Variants in STX8 observed in about 807,000 individuals in gnomAD.
The protein encoded by STX8 is syntaxin 8, also known as syntaxin-8.
A neutral mutation model predicts 37.5 loss-of-function variants in STX8; 23 were observed. The observed-to-expected ratio is 0.61, with a 90% confidence interval of 0.44 to 0.87. The LOEUF is 0.87. Among genes scored for constraint, STX8 ranks in the 40% least tolerant of loss-of-function variants. The probability of loss-of-function intolerance (pLI) is 0.00; values close to 1 mark genes in which losing one functional copy is unlikely to be tolerated. For missense variants in STX8, 313 were observed against 284.7 expected (o/e 1.10, Z -0.71); for synonymous variants, 115 against 99.1 (o/e 1.16, Z -0.95).
At chr17:9,402,183 G>C (rs947947795) in intron 6 of STX8, among the ~76,000 whole-genome samples, 9 of 151,908 alleles carry the variant, frequency 5.9e-5, no homozygotes, top group Non-Finnish European at 1.0e-4. Context: ...GCAATGGCAC[G>C]ATCTCGGCTC....
chr17:9,493,191 G>A (rs1288265254), intron 5 of STX8, among the ~76,000 whole-genome samples: 1 of 152,100 alleles, frequency 6.6e-6, no homozygotes, highest in Non-Finnish European at 1.5e-5. Context: ...TGATCATCCA[G>A]GAGTTCGAGG....
At chr17:9,354,456 G>A (rs1244295708) in intron 7 of STX8, among the ~76,000 whole-genome samples, 1 of 151,514 alleles carries the variant, frequency 6.6e-6, no homozygotes, top group African/African-American at 2.4e-5. Context: ...CGAGTGGTTG[G>A]GATTACAGGC....
chr17:9,350,997 A>G (rs1309628850), intron 7 of STX8, among the ~76,000 whole-genome samples: 1 of 152,166 alleles, frequency 6.6e-6, no homozygotes, highest in Non-Finnish European at 1.5e-5. Context: ...GGGCAGCTTC[A>G]TCGTCTATAC....
intron 7 of STX8, among the ~76,000 whole-genome samples, chr17:9,309,156 A>G (rs1909104852): frequency 6.6e-6 from 1 of 152,134 alleles, no homozygotes; most frequent in Non-Finnish European, 1.5e-5. Context: ...CAATATCCAG[A>G]GCTCTTTGCA....
At chr17:9,346,605 A>G (rs1381229628) in intron 7 of STX8, among the ~76,000 whole-genome samples, 7 of 152,232 alleles carry the variant, frequency 4.6e-5, no homozygotes, top group Non-Finnish European at 1.0e-4. Context: ...TTATGCATGC[A>G]GGTCTGAGGG....
intron 6 of STX8, among the ~76,000 whole-genome samples, chr17:9,483,758 T>C (rs913279670): frequency 2.0e-4 from 30 of 151,806 alleles, no homozygotes; most frequent in African/African-American, 7.0e-4. Context: ...ACGAATACAA[T>C]TGGTTTTCCT....
intron 4 of STX8, among the ~76,000 whole-genome samples, chr17:9,534,508 C>T (rs370519423): frequency 5.3e-5 from 8 of 151,908 alleles, no homozygotes; most frequent in African/African-American, 1.9e-4. Context: ...AAGCAAAACT[C>T]GGCCAGGCGT....
intron 6 of STX8, among the ~76,000 whole-genome samples, chr17:9,461,649 C>T (rs576231201): frequency 6.6e-6 from 1 of 152,164 alleles, no homozygotes; most frequent in Middle Eastern, 3.4e-3. Context: ...GCACCAGGGA[C>T]CAGTTTCATG....
chr17:9,404,158 T>C (rs1162877640), intron 6 of STX8, among the ~76,000 whole-genome samples: 1 of 152,094 alleles, frequency 6.6e-6, no homozygotes, highest in Non-Finnish European at 1.5e-5. Flanking sequence ...AAGTGGATCA[T>C]AATAAAAGTC....
At chr17:9,343,502 C>CA (rs1281818922) in intron 7 of STX8, among the ~76,000 whole-genome samples, 1 of 152,150 alleles carries the variant, frequency 6.6e-6, no homozygotes, top group Non-Finnish European at 1.5e-5. Context: ...TGAAAGATGC[C>CA]AAAATAATCC....
intron 5 of STX8, among the ~76,000 whole-genome samples, chr17:9,501,778 C>A (rs997292681): frequency 3.3e-5 from 5 of 152,002 alleles, no homozygotes; most frequent in African/African-American, 1.2e-4. Flanking sequence ...TCGAAACCAG[C>A]ATGGCTAACA....
rs4791829 is a variant in STX8 at position 9,310,680 on chromosome 17, G to A, written c.644-60035C>T. Reference sequence around the variant, plus strand: ...GGGGAGGGGTGGTCCACGGAGATCTGTTCTCATTTGATTTATAGTAAGGCT... The same window carrying A: ...GGGGAGGGGTGGTCCACGGAGATCTATTCTCATTTGATTTATAGTAAGGCT... On this transcript the variant is annotated intron_variant, in intron 7 of 7. Coordinates refer to ENST00000306357, the MANE Select transcript of STX8 (RefSeq NM_004853.3). Among the ~76,000 whole-genome samples, 878 of 152,098 alleles carry A rather than the reference G, an allele frequency of 5.8e-3. 30 individuals carry two copies. The highest frequency in any genetic ancestry group is 0.044 in the Admixed American group (665 of 15,260).
At chr17:9,550,004 A>G (rs1471184956) in intron 3 of STX8, among the ~76,000 whole-genome samples, 4 of 152,080 alleles carry the variant, frequency 2.6e-5, no homozygotes, top group Non-Finnish European at 4.4e-5. Flanking sequence ...CAGGCGGATC[A>G]TGAGGTCAGG....
rs1331897124 is a variant in STX8 at position 9,250,640 on chromosome 17, T to A, written c.649A>T (p.Ile217Phe). The change falls in exon 8 of 8, where the codon ATC becomes TTC. Residue 217 changes from isoleucine (I) to phenylalanine (F), a missense_variant. Ile to Phe is a conservative substitution (Grantham distance 21, BLOSUM62 0). Transcript: ENST00000306357. The stretch of plus-strand genomic sequence containing the variant: ...ACAAGCAGCAGTAAAATCACCATGA[T>A]CATCCCTGGAAAAAAGCAGCAGAAA... ...VDRKSASCGMIMVILLLLVAI... is the reference protein window; with the variant it reads ...VDRKSASCGMFMVILLLLVAI... The A allele has an allele frequency of 6.3e-7, 1 of 1,596,644 alleles. No homozygotes were observed. Among genetic ancestry groups the A allele is most frequent in the South Asian group, 1.1e-5 (1 of 87,940 alleles).
At chr17:9,298,552 C>T (rs979122559) in intron 7 of STX8, among the ~76,000 whole-genome samples, 2 of 152,190 alleles carry the variant, frequency 1.3e-5, no homozygotes, top group African/African-American at 4.8e-5. Context: ...TGGCTCACGC[C>T]TGTAATCCCA....
At chr17:9,332,091 T>C (rs1483906109) in intron 7 of STX8, among the ~76,000 whole-genome samples, 1 of 152,212 alleles carries the variant, frequency 6.6e-6, no homozygotes, top group African/African-American at 2.4e-5. Context: ...TAGCTGACCT[T>C]CATTTTGTTG....
At chr17:9,372,635 G>A (rs1017651048) in intron 7 of STX8, among the ~76,000 whole-genome samples, 3 of 151,410 alleles carry the variant, frequency 2.0e-5, no homozygotes, top group East Asian at 2.0e-4. Flanking sequence ...GCACCACCAC[G>A]CCTGGCTAAT....
intron 6 of STX8, among the ~76,000 whole-genome samples, chr17:9,433,110 G>A (rs894476557): frequency 2.0e-5 from 3 of 152,180 alleles, no homozygotes; most frequent in African/African-American, 7.2e-5. Flanking sequence ...CTTCCTTTGT[G>A]AGCTCCCAAA....
At chr17:9,488,765 T>C (rs1259359810) in intron 6 of STX8, among the ~76,000 whole-genome samples, 1 of 151,504 alleles carries the variant, frequency 6.6e-6, no homozygotes, top group East Asian at 1.9e-4. Context: ...CACATCAAAC[T>C]TCTAGCCCAC....
Sources: gnomAD v4.1 joint callset for allele counts (sites outside exome capture counted in the v4.1 genomes callset) on GRCh38, gnomAD v4.1.1 for gene constraint, MANE v1.5 for transcripts, NCBI Gene and HGNC (gene_info 2026-07-23, HGNC 2026-07-21) for gene names.